SYNE2: variants seen among roughly 807,000 people sequenced by gnomAD.
The protein encoded by SYNE2 is spectrin repeat containing nuclear envelope protein 2.
SYNE2 carries 431 observed loss-of-function variants against 856.3 expected under a neutral mutation model. That is an observed-to-expected ratio of 0.50 (90% CI 0.47 to 0.55). The LOEUF (loss-of-function observed/expected upper bound fraction) is 0.55. Ranked by LOEUF, SYNE2 falls within the 20% of genes least tolerant of loss-of-function variation. The probability of loss-of-function intolerance (pLI) is 0.00; values close to 1 mark genes in which losing one functional copy is unlikely to be tolerated. For synonymous variants in SYNE2, 2,923 were observed against 2,872.3 expected, an observed-to-expected ratio of 1.02 and a Z score of -0.56; for missense variants, 8,129 against 8,023.2, an observed-to-expected ratio of 1.01 and a Z score of -0.50.
At chr14:63,888,924 G>A (rs1291995220) in intron 1 of SYNE2, among the ~76,000 whole-genome samples, 7 of 151,962 alleles carry the variant, frequency 4.6e-5, no homozygotes, top group African/African-American at 1.5e-4. Context: ...AAAGTAGGCC[G>A]GGCGCGGTGG....
chr14:64,206,404 C>T (rs1282086168), intron 100 of SYNE2, among the ~76,000 whole-genome samples: 6 of 151,940 alleles, frequency 3.9e-5, no homozygotes, highest in Non-Finnish European at 8.8e-5. Context: ...GCAAAATGTT[C>T]TTGTCTAGCA....
At chr14:64,000,489 CAT>C in intron 27 of SYNE2, 71 bp from the exon 28 acceptor site, 1 of 1,382,834 alleles carries the variant, frequency 7.2e-7, no homozygotes, top group Non-Finnish European at 1.0e-6. Context: ...GTGAATGTCT[CAT>C]GTTTTAAGAA....
In SYNE2 at chr14:64,225,656, T is replaced by A; in HGVS notation, c.*130T>A. The A allele has an allele frequency of 9.7e-7, 1 of 1,034,624 alleles. No homozygotes were observed. 64.1% of individuals were successfully genotyped at this position (1,034,624 alleles called of 1,614,324 possible). On this transcript the variant is annotated 3_prime_UTR_variant, in exon 116 of 116. Transcript: ENST00000555002. ...GACCTGTGCAGACTTCTTCTGGGCT[T>A]ACCCAGCACGGGCTCCCTGGAGCCC...
At chr14:63,997,594 T>G (rs1471066321) in intron 25 of SYNE2, among the ~76,000 whole-genome samples, 1 of 151,624 alleles carries the variant, frequency 6.6e-6, no homozygotes, top group Non-Finnish European at 1.5e-5. Context: ...TAACCTAATC[T>G]TCTTCTGAGT....
intron 25 of SYNE2, 116 bp from the exon 26 acceptor site, chr14:63,998,103 T>A (rs2096726985): frequency 1.3e-6 from 1 of 798,296 alleles, no homozygotes. Flanking sequence ...AATTGTATTA[T>A]CTCCTGGTTT....
rs1595139413 is a variant in SYNE2 at position 64,049,975 on chromosome 14, G to A, written c.7643+99G>A. 3 of 1,398,276 alleles carry A rather than the reference G, an allele frequency of 2.1e-6. No homozygotes were observed. In the South Asian group the frequency reaches 3.9e-5, roughly 18 times the overall value. The allele number at this position is 1,398,276 out of a possible 1,614,324, so 86.6% of individuals were successfully genotyped here. ...GTTTTAAGAGTTTATATTGTGAAAG[G>A]AAATTATGATTTTAAAACCACAGGA... On this transcript the variant is annotated intron_variant, in intron 47 of 115. Coordinates refer to ENST00000555002, the MANE Select transcript of SYNE2 (RefSeq NM_182914.3).
intron 55 of SYNE2, among the ~76,000 whole-genome samples, chr14:64,078,847 T>C (rs1231629552): frequency 2.0e-5 from 3 of 152,272 alleles, no homozygotes; most frequent in African/African-American, 7.2e-5. Flanking sequence ...CAAGGTGGGA[T>C]GATCACTTGA....
At chr14:64,225,157 C>G in intron 115 of SYNE2, 112 bp downstream of exon 115, 1 of 1,538,024 alleles carries the variant, frequency 6.5e-7, no homozygotes, top group Non-Finnish European at 8.9e-7. Context: ...TTTCTTTTGT[C>G]TGGAAAGGGC....
At position 63,961,530 on chromosome 14, in the gene SYNE2, G is replaced by T; in HGVS notation, c.793G>T (p.Asp265Tyr). ...IPRLLEPEDV[D>Y]VVDPDEKSIM... Reference sequence around the variant, plus strand: ...TAGTGTGGTGTATCTTGCAGATGTGGATGTTGTTGATCCTGATGAAAAGTC... The same window carrying T: ...TAGTGTGGTGTATCTTGCAGATGTGTATGTTGTTGATCCTGATGAAAAGTC... The change falls in exon 9 of 116, where the codon GAT becomes TAT. Residue 265 changes from aspartate (D) to tyrosine (Y), a missense_variant. By Grantham distance (160) the Asp-to-Tyr change is radical. This residue lies in a region of SYNE2 where 2,422 missense variants were observed against 2,357.4 expected (regional missense o/e 1.03). Coordinates refer to ENST00000555002, the MANE Select transcript of SYNE2 (RefSeq NM_182914.3). 6.2e-7 allele frequency: 1 copy of T among 1,612,974 alleles called. No individual in the cohort carries two copies. Among genetic ancestry groups the T allele is most frequent in the Non-Finnish European group, 8.5e-7 (1 of 1,179,086 alleles).
At chr14:64,127,035 C>T (rs935956807) in intron 73 of SYNE2, among the ~76,000 whole-genome samples, 9 of 151,998 alleles carry the variant, frequency 5.9e-5, no homozygotes, top group Admixed American at 2.6e-4. Flanking sequence ...CCAAGGCAGG[C>T]GGATCACCTG....
chr14:64,092,515 T>C (rs897665682), intron 60 of SYNE2, among the ~76,000 whole-genome samples: 1 of 152,190 alleles, frequency 6.6e-6, no homozygotes, highest in African/African-American at 2.4e-5. Flanking sequence ...ACAGTGAACA[T>C]AGTTATTCAT....
intron 56 of SYNE2, 96 bp downstream of exon 56, chr14:64,080,734 A>C: frequency 6.7e-7 from 1 of 1,503,062 alleles, no homozygotes; most frequent in Non-Finnish European, 9.2e-7. Context: ...GTTTCTGTTG[A>C]ATTATCAGTT....
At chr14:63,829,092 A>T (rs531936771) in intron 1 of SYNE2, among the ~76,000 whole-genome samples, 1 of 152,226 alleles carries the variant, frequency 6.6e-6, no homozygotes, top group South Asian at 2.1e-4. Flanking sequence ...TTGCTGATGG[A>T]CATGTAAAAT....
At chr14:64,060,405 G>C (rs2097307354) in intron 49 of SYNE2, among the ~76,000 whole-genome samples, 1 of 151,248 alleles carries the variant, frequency 6.6e-6, no homozygotes, top group Non-Finnish European at 1.5e-5. Context: ...GAGGAAGTGG[G>C]TTCCCTTCTG....
intron 12 of SYNE2, 80 bp from the exon 13 acceptor site, chr14:63,977,825 A>T: frequency 1.0e-6 from 1 of 966,758 alleles, no homozygotes; most frequent in Non-Finnish European, 1.7e-6. Flanking sequence ...AAAAAGATGT[A>T]ATGCAAGTGA....
chr14:63,828,800 A>G (rs1380733538), intron 1 of SYNE2, among the ~76,000 whole-genome samples: 2 of 152,164 alleles, frequency 1.3e-5, no homozygotes, highest in African/African-American at 4.8e-5. Flanking sequence ...CTATATGCAA[A>G]TACTATGCCA....
chr14:64,218,391 A>G lies in SYNE2; in HGVS notation c.19543-7A>G. ...CAGATGGTAACTTAAAAACTGGCTC[A>G]TTCTAGGGAAAGCTACTATTACCTC... On this transcript the variant is annotated splice_polypyrimidine_tract_variant and splice_region_variant and intron_variant, in intron 108 of 115. Coordinates refer to ENST00000555002, the MANE Select transcript of SYNE2 (RefSeq NM_182914.3). 1.2e-6 allele frequency: 2 copies of G among 1,613,794 alleles called. No homozygotes were observed. Among genetic ancestry groups the G allele is most frequent in the Non-Finnish European group, 1.7e-6 (2 of 1,179,870 alleles).
intron 30 of SYNE2, among the ~76,000 whole-genome samples, chr14:64,004,677 C>T (rs1436201086): frequency 3.9e-5 from 6 of 152,126 alleles, no homozygotes; most frequent in Non-Finnish European, 2.9e-5. Flanking sequence ...CCTTCTCTGC[C>T]CACCTTGAGT....
At chr14:63,775,923 C>T (rs1247566280) in intron 1 of SYNE2, among the ~76,000 whole-genome samples, 1 of 152,162 alleles carries the variant, frequency 6.6e-6, no homozygotes, top group Non-Finnish European at 1.5e-5. Context: ...TTTTCCTTTA[C>T]CATTAGACGC....
Sources: gnomAD v4.1 joint callset for allele counts (sites outside exome capture counted in the v4.1 genomes callset) on GRCh38, gnomAD v4.1.1 for gene constraint, gnomAD v4.1.1 regional missense constraint, MANE v1.5 for transcripts, NCBI Gene and HGNC (gene_info 2026-07-23, HGNC 2026-07-21) for gene names.